The following CDKAL1 variants were observed in gnomAD, a reference collection of about 807,000 sequenced individuals.
CDKAL1 encodes CDKAL1 threonylcarbamoyladenosine tRNA methylthiotransferase.
CDKAL1 carries 32 observed loss-of-function variants against 68.2 expected under a neutral mutation model. The ratio of observed to expected loss-of-function variants is 0.47; its 90% CI spans 0.35 to 0.63. The LOEUF (loss-of-function observed/expected upper bound fraction) is 0.63, where lower values mean the gene tolerates loss of function less well. Among genes scored for constraint, CDKAL1 ranks in the 30% least tolerant of loss-of-function variants. The pLI is 0.00. For missense variants in CDKAL1, 606 were observed against 696.7 expected, an observed-to-expected ratio of 0.87 and a Z score of 1.47; for synonymous variants, 234 against 244.3, an observed-to-expected ratio of 0.96 and a Z score of 0.39.
At chr6:20,859,679 A>G (rs1471199098) in intron 9 of CDKAL1, among the ~76,000 whole-genome samples, 2 of 152,240 alleles carry the variant, frequency 1.3e-5, no homozygotes, top group African/African-American at 4.8e-5. Context: ...GAAGTTTTGG[A>G]CTAGAAGATT....
chr6:21,103,453 C>T (rs1448151639), intron 12 of CDKAL1, among the ~76,000 whole-genome samples: 1 of 150,590 alleles, frequency 6.6e-6, no homozygotes, highest in African/African-American at 2.4e-5. Flanking sequence ...AAAAAAAGGT[C>T]ATCAGTGTTT....
intron 6 of CDKAL1, among the ~76,000 whole-genome samples, chr6:20,743,031 C>G (rs566974128): frequency 1.3e-5 from 2 of 152,066 alleles, no homozygotes; most frequent in South Asian, 4.2e-4. Flanking sequence ...AACTAGAAAC[C>G]TTCTCAAATA....
intron 10 of CDKAL1, among the ~76,000 whole-genome samples, chr6:20,983,930 TCAATC>T (rs955119992): frequency 1.3e-5 from 2 of 152,204 alleles, no homozygotes; most frequent in African/African-American, 4.8e-5. Context: ...TACAGGTAGA[TCAATC>T]CATAGGAATG....
chr6:20,817,966 G>T (rs932624942), intron 8 of CDKAL1, among the ~76,000 whole-genome samples: 1 of 152,090 alleles, frequency 6.6e-6, no homozygotes, highest in Non-Finnish European at 1.5e-5. Flanking sequence ...TGAAGAAGGG[G>T]CCACTACTAT....
chr6:20,866,223 A>G (rs1224305101), intron 9 of CDKAL1, among the ~76,000 whole-genome samples: 1 of 152,190 alleles, frequency 6.6e-6, no homozygotes, highest in East Asian at 1.9e-4. Flanking sequence ...CAACAGATAG[A>G]AAAAATAAAG....
At chr6:20,600,197 G>A (rs1246273994) in intron 4 of CDKAL1, among the ~76,000 whole-genome samples, 2 of 151,962 alleles carry the variant, frequency 1.3e-5, no homozygotes, top group Non-Finnish European at 1.5e-5. Context: ...CAATCATTTG[G>A]TCCTTTTTGT....
At chr6:21,068,734 A>G (rs920009181) in intron 12 of CDKAL1, among the ~76,000 whole-genome samples, 5 of 152,132 alleles carry the variant, frequency 3.3e-5, no homozygotes, top group African/African-American at 1.2e-4. Flanking sequence ...AAATTTGTCA[A>G]GTTTCACCAA....
At chr6:20,898,985 G>A (rs927951079) in intron 9 of CDKAL1, among the ~76,000 whole-genome samples, 1 of 151,634 alleles carries the variant, frequency 6.6e-6, no homozygotes, top group African/African-American at 2.4e-5. Context: ...TGCGTGACTT[G>A]CTCATGTTAT....
chr6:20,718,745 C>G (rs1240120702), intron 5 of CDKAL1, among the ~76,000 whole-genome samples: 1 of 152,094 alleles, frequency 6.6e-6, no homozygotes, highest in Admixed American at 6.6e-5. Context: ...AGATTAGCAT[C>G]TTCTATTAGC....
chr6:20,896,605 TG>T (rs1408278875), intron 9 of CDKAL1, among the ~76,000 whole-genome samples: 1 of 152,128 alleles, frequency 6.6e-6, no homozygotes, highest in Non-Finnish European at 1.5e-5. Context: ...ATGAAAACCA[TG>T]GTTTGAGTTT....
intron 6 of CDKAL1, among the ~76,000 whole-genome samples, chr6:20,747,272 G>T (rs112193968): frequency 2.0e-5 from 3 of 152,268 alleles, no homozygotes; most frequent in African/African-American, 7.2e-5. Context: ...TTCACATCTT[G>T]GTTATTGTGT....
intron 4 of CDKAL1, among the ~76,000 whole-genome samples, chr6:20,584,046 CTTTT>C (rs56742923): frequency 4.8e-4 from 68 of 140,586 alleles, no homozygotes; most frequent in Admixed American, 5.6e-4. Context: ...TGCTGGTTTC[CTTTT>C]TTTTTTTTTT....
chr6:20,665,446 G>A (rs767871566), intron 5 of CDKAL1, among the ~76,000 whole-genome samples: 7 of 152,198 alleles, frequency 4.6e-5, no homozygotes, highest in African/African-American at 1.7e-4. Flanking sequence ...GACAGTGAGA[G>A]TAATGAATGC....
intron 9 of CDKAL1, among the ~76,000 whole-genome samples, chr6:20,918,071 A>G (rs1185421665): frequency 6.6e-6 from 1 of 152,182 alleles, no homozygotes; most frequent in Non-Finnish European, 1.5e-5. Context: ...AGATCACGCC[A>G]CTGCACTCCA....
intron 4 of CDKAL1, among the ~76,000 whole-genome samples, chr6:20,572,395 G>C (rs1764740404): frequency 6.6e-6 from 1 of 152,086 alleles, no homozygotes; most frequent in East Asian, 1.9e-4. Flanking sequence ...AGTGACTACT[G>C]ACCTGAAGTG....
At chr6:21,214,230 G>A (rs111617553) in intron 15 of CDKAL1, among the ~76,000 whole-genome samples, 2 of 151,944 alleles carry the variant, frequency 1.3e-5, no homozygotes, top group African/African-American at 2.4e-5. Flanking sequence ...TAACATTTTG[G>A]AAATAGTAGT....
intron 5 of CDKAL1, among the ~76,000 whole-genome samples, chr6:20,679,035 T>C (rs1372002776): frequency 6.6e-6 from 1 of 152,152 alleles, no homozygotes; most frequent in East Asian, 1.9e-4. Flanking sequence ...CTCCCTAGTA[T>C]CTATGACTAC....
intron 12 of CDKAL1, among the ~76,000 whole-genome samples, chr6:21,092,734 T>TAAA (rs34756370): frequency 3.3e-3 from 443 of 133,458 alleles, no homozygotes; most frequent in African/African-American, 0.011. Context: ...GACGAAAACT[T>TAAA]AAAAAAAAAA....
chr6:20,829,570 A>G (rs545605273), intron 8 of CDKAL1, among the ~76,000 whole-genome samples: 1 of 152,334 alleles, frequency 6.6e-6, no homozygotes, highest in East Asian at 1.9e-4. Flanking sequence ...GTTAAACAAA[A>G]TAGGTAACTC....
Sources: gnomAD v4.1 joint callset for allele counts (sites outside exome capture counted in the v4.1 genomes callset) on GRCh38, gnomAD v4.1.1 for gene constraint, MANE v1.5 for transcripts, NCBI Gene and HGNC (gene_info 2026-07-23, HGNC 2026-07-21) for gene names.